CACNA1C: variants seen among roughly 807,000 people sequenced by gnomAD.
CACNA1C encodes the protein voltage-dependent L-type calcium channel subunit alpha-1C.
Under a neutral mutation model 229.0 loss-of-function variants are expected in CACNA1C, and 30 were observed. The ratio of observed to expected loss-of-function variants is 0.13; its 90% CI spans 0.10 to 0.18. The LOEUF is 0.18. CACNA1C is among the 10% of genes least tolerant of loss of function. The pLI is 1.00. For missense variants in CACNA1C, 1,658 were observed against 2,845.0 expected (o/e 0.58, Z 9.49); for synonymous variants, 1,114 against 1,132.5 (o/e 0.98, Z 0.33).
At chr12:2,463,157 C>G (rs2099526003) in intron 5 of CACNA1C, among the ~76,000 whole-genome samples, 1 of 152,178 alleles carries the variant, frequency 6.6e-6, no homozygotes. Flanking sequence ...GATCTGCCCG[C>G]CTCAGCCTCC....
intron 42 of CACNA1C, among the ~76,000 whole-genome samples, chr12:2,681,364 C>T (rs571629329): frequency 6.6e-6 from 1 of 152,314 alleles, no homozygotes; most frequent in African/African-American, 2.4e-5. Context: ...TTCCCTCTGC[C>T]CACTGCAGAT....
chr12:2,435,265 G>A (rs1047813979), intron 3 of CACNA1C, among the ~76,000 whole-genome samples: 1 of 152,174 alleles, frequency 6.6e-6, no homozygotes, highest in African/African-American at 2.4e-5. Context: ...CCCAGCAATC[G>A]CCTTTTCTCC....
chr12:2,455,119 A>G (rs983678789), intron 4 of CACNA1C, among the ~76,000 whole-genome samples: 3 of 152,112 alleles, frequency 2.0e-5, no homozygotes, highest in Admixed American at 2.0e-4. Flanking sequence ...TCTCGCTTCT[A>G]TGTCATCACA....
intron 9 of CACNA1C, among the ~76,000 whole-genome samples, chr12:2,522,849 T>C (rs2099812565): frequency 6.6e-6 from 1 of 152,178 alleles, no homozygotes; most frequent in Non-Finnish European, 1.5e-5. Context: ...TGGGTATTGT[T>C]TGCCCCATTT....
chr12:2,299,581 A>G (rs2094392600), intron 3 of CACNA1C, among the ~76,000 whole-genome samples: 1 of 152,162 alleles, frequency 6.6e-6, no homozygotes, highest in Admixed American at 6.5e-5. Flanking sequence ...TTGAGAAAAT[A>G]CAGATTCCTA....
In CACNA1C at chr12:2,273,110, A is replaced by G. The variant is rs190187803; in HGVS notation, c.477+152680A>G. 7.9e-4 allele frequency among the ~76,000 whole-genome samples: 120 copies of G among 152,188 alleles called. 1 individual carries two copies. The highest frequency in any genetic ancestry group is 2.8e-3 in the African/African-American group (118 of 41,528). ...AGGTGATTGGTTCCAGGACTCCCCA[A>G]CCCCTTGGATACCAAAATCCTTAGG... On this transcript the variant is annotated intron_variant, in intron 3 of 46. Coordinates refer to ENST00000399655, the MANE Select transcript of CACNA1C (RefSeq NM_000719.7).
intron 3 of CACNA1C, among the ~76,000 whole-genome samples, chr12:2,316,058 C>G (rs1330252102): frequency 6.6e-6 from 1 of 152,232 alleles, no homozygotes; most frequent in African/African-American, 2.4e-5. Flanking sequence ...GAGGGCAGCA[C>G]CTTCATGGAC....
chr12:2,084,719 C>A (rs939388230), intron 1 of CACNA1C, among the ~76,000 whole-genome samples: 1 of 152,154 alleles, frequency 6.6e-6, no homozygotes, highest in Admixed American at 6.5e-5. Context: ...GTAAAGATTG[C>A]GTTTGCCTTT....
chr12:2,368,713 A>G (rs979790918), intron 3 of CACNA1C, among the ~76,000 whole-genome samples: 1 of 152,230 alleles, frequency 6.6e-6, no homozygotes, highest in African/African-American at 2.4e-5. Context: ...TGAGTTTAAG[A>G]AGAACCCTAA....
chr12:2,588,854 T>C (rs1054133004), intron 18 of CACNA1C, among the ~76,000 whole-genome samples: 2 of 152,116 alleles, frequency 1.3e-5, no homozygotes, highest in African/African-American at 4.8e-5. Flanking sequence ...GGACTTAAAG[T>C]TAACAGGTAC....
At chr12:2,207,516 A>T (rs60111258) in intron 3 of CACNA1C, among the ~76,000 whole-genome samples, 4,799 of 152,248 alleles carry the variant, frequency 0.032, 235 homozygotes, top group African/African-American at 0.11. Flanking sequence ...CTTATTTAAA[A>T]GATGAGAAAT....
intron 3 of CACNA1C, among the ~76,000 whole-genome samples, chr12:2,387,900 G>T (rs1348922447): frequency 6.6e-6 from 1 of 152,146 alleles, no homozygotes; most frequent in Non-Finnish European, 1.5e-5. Flanking sequence ...CCCCACTGAG[G>T]CATAAAACCA....
chr12:2,345,240 G>A (rs979567360), intron 3 of CACNA1C, among the ~76,000 whole-genome samples: 1 of 151,908 alleles, frequency 6.6e-6, no homozygotes, highest in Non-Finnish European at 1.5e-5. Flanking sequence ...ATGGGGCAGG[G>A]GTGACATTTG....
At chr12:2,374,890 T>C (rs902803867) in intron 3 of CACNA1C, among the ~76,000 whole-genome samples, 1 of 152,188 alleles carries the variant, frequency 6.6e-6, no homozygotes, top group Non-Finnish European at 1.5e-5. Flanking sequence ...GTTGGGTTCA[T>C]TGGAGAGCAG....
chr12:2,156,573 A>T (rs1014957696), intron 3 of CACNA1C, among the ~76,000 whole-genome samples: 1 of 152,244 alleles, frequency 6.6e-6, no homozygotes, highest in Admixed American at 6.5e-5. Flanking sequence ...AGCTGCAACC[A>T]GTTGCTTACA....
At chr12:2,291,083 T>C (rs555519173) in intron 3 of CACNA1C, among the ~76,000 whole-genome samples, 3 of 152,320 alleles carry the variant, frequency 2.0e-5, no homozygotes. Context: ...TCCTTTGTAA[T>C]ATGAGGTGAT....
chr12:2,663,768 G>A (rs1336300824), intron 34 of CACNA1C, among the ~76,000 whole-genome samples: 1 of 128,414 alleles, frequency 7.8e-6, no homozygotes, highest in Non-Finnish European at 1.6e-5. Flanking sequence ...TTGAGACGGA[G>A]TCTCGCTCTG....
intron 3 of CACNA1C, among the ~76,000 whole-genome samples, chr12:2,277,616 C>T (rs2089339949): frequency 6.6e-6 from 1 of 152,200 alleles, no homozygotes; most frequent in Admixed American, 6.5e-5. Flanking sequence ...GGAGGAGGCC[C>T]CCAACACCAT....
Position 2,241,082 on chromosome 12 carries a change from G to A in CACNA1C, c.477+120652G>A, listed in dbSNP as rs181372192. On this transcript the variant is annotated intron_variant, in intron 3 of 46. Coordinates refer to ENST00000399655, the MANE Select transcript of CACNA1C (RefSeq NM_000719.7). ...TACATAACCAGTACGAGGTGAGGGGGGTGGGAAGAGGGCAAGCATTTCCTT... is the reference window on the plus strand; with the variant it reads ...TACATAACCAGTACGAGGTGAGGGGAGTGGGAAGAGGGCAAGCATTTCCTT... Among the ~76,000 whole-genome samples, 21 of 152,208 alleles carry A rather than the reference G, an allele frequency of 1.4e-4. No homozygotes were observed. In the East Asian group the frequency reaches 2.7e-3, roughly 20 times the overall value.
Sources: allele counts gnomAD v4.1 joint callset (sites outside exome capture counted in the v4.1 genomes callset), GRCh38; gene constraint gnomAD v4.1.1; transcripts MANE v1.5; gene names NCBI Gene and HGNC (gene_info 2026-07-23, HGNC 2026-07-21).